GNG7: variants seen among roughly 807,000 people sequenced by gnomAD.
GNG7 encodes G protein subunit gamma 7.
GNG7 carries 1 observed loss-of-function variant against 4.0 expected under a neutral mutation model. The ratio of observed to expected loss-of-function variants is 0.25; its 90% CI spans 0.09 to 1.18. The LOEUF (loss-of-function observed/expected upper bound fraction) is 1.18, where lower values mean the gene tolerates loss of function less well. Among genes scored for constraint, GNG7 ranks in the 50% most tolerant of loss-of-function variants. The probability of loss-of-function intolerance (pLI) is 0.50; values close to 1 mark genes in which losing one functional copy is unlikely to be tolerated. For missense variants in GNG7, 86 were observed against 91.9 expected (o/e 0.94, Z 0.26); for synonymous variants, 34 against 36.9 (o/e 0.92, Z 0.29).
rs796306243 is a variant in GNG7 at position 2,696,292 on chromosome 19, GAGAAAGAAAGAAAGAAAGAAAGAA to G, written c.-135+6330_-135+6353del. On this transcript the variant is annotated intron_variant, in intron 1 of 4. Transcript: ENST00000382159. ...AAGGAGAGAAAGAAAAAGAGAGAGAGAGAAAGAAAGAAAGAAAGAAAGAAAGAAAGAAAGAAAGAAAGAAAGAAA... is the reference window on the plus strand; with the variant it reads ...AAGGAGAGAAAGAAAAAGAGAGAGAGAGAAAGAAAGAAAGAAAGAAAGAAA... 7.1e-3 allele frequency among the ~76,000 whole-genome samples: 770 copies of G among 108,594 alleles called. 7 individuals are homozygous for G. Among genetic ancestry groups the G allele is most frequent in the African/African-American group, 0.027 (733 of 27,180 alleles). The allele number at this position is 108,594 out of a possible 152,430, so 71.2% of individuals were successfully genotyped here.
In GNG7 at chr19:2,557,271, A is replaced by G. The variant is rs1281191315; in HGVS notation, c.-77-2083T>C. On this transcript the variant is annotated intron_variant, in intron 2 of 4. Coordinates refer to ENST00000382159, the MANE Select transcript of GNG7 (RefSeq NM_052847.3). This position sits in a 1 kb window ranked among gnomAD's most constrained non-coding sequence, Gnocchi z 5.1. ...CACACACACGTGCACACACATTTGC[A>G]CACACAGACACGTGCACACACAGAG... is the stretch of plus-strand genomic sequence containing the variant. Among the ~76,000 whole-genome samples the G allele has an allele frequency of 3.0e-5, 4 of 135,260 alleles. No homozygotes were observed. Among genetic ancestry groups the G allele is most frequent in the Non-Finnish European group, 6.0e-5 (4 of 66,924 alleles). The allele number at this position is 135,260 out of a possible 152,430, so 88.7% of individuals were successfully genotyped here. A position where few individuals can be genotyped will look rare whatever the true frequency, so the allele number is the denominator to read the frequency against.
chr19:2,635,632 T>C (rs904062286), intron 2 of GNG7, among the ~76,000 whole-genome samples: 1 of 151,110 alleles, frequency 6.6e-6, no homozygotes, highest in Non-Finnish European at 1.5e-5. Flanking sequence ...GCCCAGGCTG[T>C]AGTGCAATGG....
At chr19:2,561,369 G>A (rs1427387788) in intron 2 of GNG7, among the ~76,000 whole-genome samples, 1 of 152,132 alleles carries the variant, frequency 6.6e-6, no homozygotes, top group Non-Finnish European at 1.5e-5. Flanking sequence ...CCCAGAGAAT[G>A]ACCCAGGCCC....
intron 3 of GNG7, among the ~76,000 whole-genome samples, chr19:2,534,919 C>T (rs1012937187): frequency 7.2e-5 from 11 of 152,088 alleles, no homozygotes; most frequent in Non-Finnish European, 1.2e-4. Context: ...TAGATGAGGC[C>T]CCCACATTGG....
chr19:2,589,395 T>TTTTTTTTTTTA (rs869236480), intron 2 of GNG7, among the ~76,000 whole-genome samples: 1 of 113,026 alleles, frequency 8.8e-6, no homozygotes, highest in African/African-American at 3.0e-5. Flanking sequence ...TTTTTTTTTT[T>TTTTTTTTTTTA]AAATAGCAGA....
chr19:2,581,478 G>A (rs538211201), intron 2 of GNG7, among the ~76,000 whole-genome samples: 3 of 152,162 alleles, frequency 2.0e-5, no homozygotes, highest in African/African-American at 7.2e-5. Context: ...GCTGTGGGGT[G>A]GGATGTGGGG....
intron 1 of GNG7, chr19:2,683,373 G>C (rs112557535): frequency 6.6e-6 from 1 of 150,432 alleles, no homozygotes; most frequent in Non-Finnish European, 1.5e-5. Flanking sequence ...TTACAGGTGT[G>C]AGCCACCACT....
chr19:2,628,391 C>T (rs905489311), intron 2 of GNG7, among the ~76,000 whole-genome samples: 1 of 152,040 alleles, frequency 6.6e-6, no homozygotes, highest in Non-Finnish European at 1.5e-5. Context: ...GCTCTGAGCC[C>T]CTAGAGGCTA....
Position 2,618,342 on chromosome 19 carries a change from G to GGTGTGT in GNG7, c.-78+27876_-78+27881dup, listed in dbSNP as rs35982775. Among the ~76,000 whole-genome samples, 7,956 of 146,404 alleles carry GGTGTGT rather than the reference G, an allele frequency of 0.054. 357 individuals are homozygous for GGTGTGT. The highest frequency in any genetic ancestry group is 0.12 in the African/African-American group (4,786 of 39,910). ...TTCTCTTTTCTACCTGTATGTGTGT[G>GGTGTGT]GTGTGTGTGTGTGTGTGTGTGTGTG... On this transcript the variant is annotated intron_variant, in intron 2 of 4. Coordinates refer to ENST00000382159, the MANE Select transcript of GNG7 (RefSeq NM_052847.3). The surrounding 1 kb of genome is among the most constrained non-coding windows in gnomAD (Gnocchi z 5.1).
chr19:2,541,457 G>A (rs1455771574), intron 3 of GNG7, among the ~76,000 whole-genome samples: 8 of 151,514 alleles, frequency 5.3e-5, no homozygotes, highest in African/African-American at 1.2e-4. Flanking sequence ...AATCAAGGCC[G>A]GGGGCAGTGG....
intron 2 of GNG7, among the ~76,000 whole-genome samples, chr19:2,632,340 A>G (rs1258410860): frequency 6.6e-6 from 1 of 151,874 alleles, no homozygotes; most frequent in Non-Finnish European, 1.5e-5. Flanking sequence ...GAGGCAGGAG[A>G]ATTGCTTGAA....
At chr19:2,696,288 GAGAGAGAA>G (rs1346627707) in intron 1 of GNG7, among the ~76,000 whole-genome samples, 10 of 104,548 alleles carry the variant, frequency 9.6e-5, no homozygotes, top group East Asian at 2.6e-4. Flanking sequence ...GAAAAAGAGA[GAGAGAGAA>G]AGAAAGAAAG....
intron 3 of GNG7, among the ~76,000 whole-genome samples, chr19:2,545,364 T>A (rs1053461547): frequency 3.2e-4 from 48 of 151,926 alleles, no homozygotes; most frequent in African/African-American, 1.2e-3. Context: ...GGTGCACACA[T>A]AGGCCGGGCA....
At chr19:2,577,812 A>G (rs1980387551) in intron 2 of GNG7, among the ~76,000 whole-genome samples, 1 of 151,212 alleles carries the variant, frequency 6.6e-6, no homozygotes, top group African/African-American at 2.4e-5. Context: ...AATGTAGAAC[A>G]TCCCTATATA....
Position 2,512,098 on chromosome 19 carries a change from G to A in GNG7, c.*2924C>T. Reference sequence around the variant, plus strand: ...TGCCTTGTGTGTGTGCGTGGGTGGGGGTGAGTGTCCTTAACTCTCTTTTCC... The same window carrying A: ...TGCCTTGTGTGTGTGCGTGGGTGGGAGTGAGTGTCCTTAACTCTCTTTTCC... On this transcript the variant is annotated 3_prime_UTR_variant, in exon 5 of 5. Transcript: ENST00000382159. This position sits in a 1 kb window ranked among gnomAD's most constrained non-coding sequence, Gnocchi z 4.7. 2.0e-6 allele frequency: 2 copies of A among 985,904 alleles called. No homozygotes were observed. Among genetic ancestry groups the A allele is most frequent in the Non-Finnish European group, 2.4e-6 (2 of 829,962 alleles). 61.1% of individuals were successfully genotyped at this position (985,904 alleles called of 1,614,324 possible). A position where few individuals can be genotyped will look rare whatever the true frequency, so the allele number is the denominator to read the frequency against.
At chr19:2,623,572 G>C (rs1268507053) in intron 2 of GNG7, among the ~76,000 whole-genome samples, 2 of 152,308 alleles carry the variant, frequency 1.3e-5, no homozygotes, top group African/African-American at 2.4e-5. Flanking sequence ...CGCTCAGTGA[G>C]AGAACCCAGA....
intron 2 of GNG7, among the ~76,000 whole-genome samples, chr19:2,576,691 T>G (rs557658096): frequency 7.0e-6 from 1 of 142,124 alleles, no homozygotes; most frequent in African/African-American, 2.7e-5. Context: ...GGACTACAGG[T>G]GCGTACCAGC....
intron 2 of GNG7, among the ~76,000 whole-genome samples, chr19:2,623,201 T>C (rs1301955982): frequency 6.6e-6 from 1 of 152,070 alleles, no homozygotes; most frequent in Admixed American, 6.6e-5. Context: ...GCACCTGTAG[T>C]CCCAGCTACT....
chr19:2,603,952 G>A (rs1428265100), intron 2 of GNG7, among the ~76,000 whole-genome samples: 4 of 151,922 alleles, frequency 2.6e-5, no homozygotes, highest in African/African-American at 7.3e-5. Context: ...CTGGGTTCAC[G>A]CCATTCTCCT....
Sources: allele counts gnomAD v4.1 joint callset (sites outside exome capture counted in the v4.1 genomes callset), GRCh38; gene constraint gnomAD v4.1.1; non-coding constraint Gnocchi (gnomAD v3.1); transcripts MANE v1.5; gene names NCBI Gene and HGNC (gene_info 2026-07-23, HGNC 2026-07-21).